The following RFTN2 variants were observed in gnomAD, a reference collection of about 807,000 sequenced individuals.
The protein encoded by RFTN2 is raftlin family member 2.
Under a neutral mutation model 52.7 loss-of-function variants are expected in RFTN2, and 34 were observed. The observed-to-expected ratio is 0.64, with a 90% CI of 0.49 to 0.86. RFTN2 has a LOEUF of 0.86. Among genes scored for constraint, RFTN2 ranks in the 40% least tolerant of loss-of-function variants. RFTN2 has a pLI of 0.00. For synonymous variants in RFTN2, 203 were observed against 217.7 expected (o/e 0.93, Z 0.59); for missense variants, 536 against 600.1 (o/e 0.89, Z 1.12).
chr2:197,668,056 C>G (rs922816758), intron 1 of RFTN2, among the ~76,000 whole-genome samples: 1 of 152,068 alleles, frequency 6.6e-6, no homozygotes. Flanking sequence ...GCAGTGCACC[C>G]TGGTGTTGGC....
intron 3 of RFTN2, among the ~76,000 whole-genome samples, chr2:197,639,866 T>C (rs1371585868): frequency 6.9e-6 from 1 of 145,338 alleles, no homozygotes; most frequent in Non-Finnish European, 1.5e-5. Context: ...CCCATCTTTG[T>C]GGTTTTATCT....
At position 197,671,045 on chromosome 2, in the gene RFTN2, C is replaced by G. The variant is rs577186263; in HGVS notation, c.139+4275G>C. The stretch of plus-strand genomic sequence containing the variant: ...ATCATCATTAGCCTTGACTTCTTGC[C>G]TCCATCCCTTCTCACTGCAATTCCA... On this transcript the variant is annotated intron_variant, in intron 1 of 8. Transcript: ENST00000295049. Among the ~76,000 whole-genome samples the G allele has an allele frequency of 2.0e-5, 3 of 152,278 alleles. 1 individual carries two copies. In the South Asian group the frequency reaches 6.2e-4, roughly 32 times the overall value.
intron 5 of RFTN2, among the ~76,000 whole-genome samples, chr2:197,624,515 G>A (rs1032907199): frequency 1.3e-5 from 2 of 149,642 alleles, no homozygotes; most frequent in African/African-American, 4.9e-5. Flanking sequence ...GGAGAATGGC[G>A]TGAACCCGGG....
intron 1 of RFTN2, among the ~76,000 whole-genome samples, chr2:197,663,267 ATC>A (rs2089004210): frequency 6.6e-6 from 1 of 152,148 alleles, no homozygotes; most frequent in South Asian, 2.1e-4. Context: ...GCATTTTTGC[ATC>A]TATATTCATC....
At chr2:197,616,532 T>C (rs1404560293) in intron 6 of RFTN2, among the ~76,000 whole-genome samples, 1 of 152,032 alleles carries the variant, frequency 6.6e-6, no homozygotes, top group African/African-American at 2.4e-5. Context: ...GCTCAAGTTA[T>C]CCTCCCATTT....
intron 7 of RFTN2, among the ~76,000 whole-genome samples, chr2:197,612,118 A>G (rs1479136571): frequency 6.6e-6 from 1 of 152,174 alleles, no homozygotes; most frequent in Non-Finnish European, 1.5e-5. Context: ...GTAGGTGTCT[A>G]TTAGGTTCAC....
intron 7 of RFTN2, among the ~76,000 whole-genome samples, chr2:197,607,991 C>A (rs904481214): frequency 1.3e-5 from 2 of 152,208 alleles, no homozygotes; most frequent in Admixed American, 1.3e-4. Flanking sequence ...ATGAGTTTAA[C>A]TCATGATGGA....
At chr2:197,662,925 C>T (rs973987097) in intron 1 of RFTN2, among the ~76,000 whole-genome samples, 1 of 151,998 alleles carries the variant, frequency 6.6e-6, no homozygotes, top group Non-Finnish European at 1.5e-5. Context: ...TGCACCTGGC[C>T]CCCTTCCATT....
intron 8 of RFTN2, among the ~76,000 whole-genome samples, chr2:197,591,119 G>A (rs1394711916): frequency 1.3e-5 from 2 of 152,184 alleles, no homozygotes; most frequent in Non-Finnish European, 2.9e-5. Context: ...CCCTGAGCTA[G>A]ACACAAAAGT....
chr2:197,594,282 G>A (rs2087762815), intron 8 of RFTN2, among the ~76,000 whole-genome samples: 1 of 151,952 alleles, frequency 6.6e-6, no homozygotes, highest in Non-Finnish European at 1.5e-5. Flanking sequence ...CCAGAGTGCT[G>A]GGATTACAGG....
At chr2:197,654,057 T>C (rs1427397322) in intron 1 of RFTN2, among the ~76,000 whole-genome samples, 1 of 152,208 alleles carries the variant, frequency 6.6e-6, no homozygotes, top group Non-Finnish European at 1.5e-5. Context: ...TCTAGCTAGA[T>C]AATGTTATTT....
chr2:197,612,257 A>G (rs2106206725), intron 7 of RFTN2, among the ~76,000 whole-genome samples: 1 of 152,176 alleles, frequency 6.6e-6, no homozygotes, highest in East Asian at 1.9e-4. Flanking sequence ...CCTGTGTTCT[A>G]AAGTTCTCTC....
chr2:197,575,793 T>A (rs2087402017), intron 8 of RFTN2, among the ~76,000 whole-genome samples: 1 of 136,876 alleles, frequency 7.3e-6, no homozygotes, highest in Non-Finnish European at 1.5e-5. Context: ...TATAATATAT[T>A]ATATATATTT....
intron 8 of RFTN2, among the ~76,000 whole-genome samples, chr2:197,590,414 A>C (rs771387285): frequency 2.0e-5 from 3 of 152,236 alleles, no homozygotes; most frequent in South Asian, 2.1e-4. Flanking sequence ...GTGAAATATA[A>C]AACAAATTCC....
At chr2:197,646,881 T>C (rs572468710) in intron 1 of RFTN2, among the ~76,000 whole-genome samples, 3 of 85,874 alleles carry the variant, frequency 3.5e-5, no homozygotes, top group East Asian at 6.7e-4. Flanking sequence ...AGGAACATAG[T>C]AGGACATTGT....
At chr2:197,587,075 C>T (rs1250396792) in intron 8 of RFTN2, among the ~76,000 whole-genome samples, 3 of 152,056 alleles carry the variant, frequency 2.0e-5, no homozygotes, top group Admixed American at 6.6e-5. Context: ...TTGTATCTTC[C>T]GTTTAGTTTC....
rs1402398887 is a variant in RFTN2, at chr2:197,571,176, A to C, written c.*832T>G. On this transcript the variant is annotated 3_prime_UTR_variant, in exon 9 of 9. Transcript: ENST00000295049. ...ATAAAAGCAGAATTCAAATCTAGAC[A>C]GATGTAAAAGACTTCAGTTTCAAAT... 1 of 152,364 alleles carries C rather than the reference A, an allele frequency of 6.6e-6. No individual in the cohort carries two copies. Among genetic ancestry groups the C allele is most frequent in the Non-Finnish European group, 1.5e-5 (1 of 68,046 alleles). 9.4% of individuals were successfully genotyped at this position (152,364 alleles called of 1,614,324 possible). A position where few individuals can be genotyped will look rare whatever the true frequency, so the allele number is the denominator to read the frequency against.
intron 3 of RFTN2, among the ~76,000 whole-genome samples, chr2:197,637,530 A>G (rs2088588686): frequency 1.3e-5 from 2 of 152,062 alleles, no homozygotes; most frequent in South Asian, 4.1e-4. Context: ...ATTTGCATAG[A>G]GGTGTTTGTA....
intron 1 of RFTN2, among the ~76,000 whole-genome samples, chr2:197,651,366 C>T (rs1268575813): frequency 6.6e-6 from 1 of 152,162 alleles, no homozygotes; most frequent in East Asian, 1.9e-4. Flanking sequence ...CGCCCGTAAT[C>T]CCAGCAATTT....
Sources: allele counts gnomAD v4.1 joint callset (sites outside exome capture counted in the v4.1 genomes callset), GRCh38; gene constraint gnomAD v4.1.1; transcripts MANE v1.5; gene names NCBI Gene and HGNC (gene_info 2026-07-23, HGNC 2026-07-21).